PRKCQ: variants seen among roughly 807,000 people sequenced by gnomAD.
PRKCQ encodes the protein protein kinase C theta type.
PRKCQ carries 41 observed loss-of-function variants against 91.2 expected under a neutral mutation model. The observed-to-expected ratio is 0.45, with a 90% CI of 0.35 to 0.58. The LOEUF (loss-of-function observed/expected upper bound fraction) is 0.58, where lower values mean the gene tolerates loss of function less well. Ranked by LOEUF, PRKCQ falls within the 20% of genes least tolerant of loss-of-function variation. PRKCQ has a pLI of 0.00. For missense variants in PRKCQ, 673 were observed against 896.5 expected, an observed-to-expected ratio of 0.75 and a Z score of 3.18; for synonymous variants, 307 against 316.9, an observed-to-expected ratio of 0.97 and a Z score of 0.33.
intron 15 of PRKCQ, among the ~76,000 whole-genome samples, chr10:6,450,646 C>T (rs915958508): frequency 3.3e-5 from 5 of 151,966 alleles, no homozygotes; most frequent in African/African-American, 9.7e-5. Flanking sequence ...CAGCACCACA[C>T]CTATTCCAAA....
At chr10:6,571,265 A>G (rs1841035662) in intron 1 of PRKCQ, among the ~76,000 whole-genome samples, 1 of 152,180 alleles carries the variant, frequency 6.6e-6, no homozygotes. Flanking sequence ...GGGGCAAAGA[A>G]AGTGCATCAT....
the PRKCQ span, among the ~76,000 whole-genome samples, chr10:6,400,745 G>C: frequency 1.1e-4 from 16 of 151,678 alleles, no homozygotes; most frequent in South Asian, 3.3e-3. Flanking sequence ...TCTGCCAGCT[G>C]GCATGCACCT....
At chr10:6,423,698 C>T (rs7920162), downstream of PRKCQ, among the ~76,000 whole-genome samples, 27,782 of 152,104 alleles carry the variant, frequency 0.18, 2,762 homozygotes, top group Non-Finnish European at 0.23. Context: ...CTACTGTGAC[C>T]GACCCTACCT....
At chr10:6,454,674 G>T (rs1834912311) in intron 15 of PRKCQ, among the ~76,000 whole-genome samples, 1 of 152,092 alleles carries the variant, frequency 6.6e-6, no homozygotes, top group South Asian at 2.1e-4. Context: ...TGGACCTGCT[G>T]TCTTTGAAGG....
chr10:6,523,166 T>G (rs1839079034), intron 1 of PRKCQ, among the ~76,000 whole-genome samples: 1 of 152,146 alleles, frequency 6.6e-6, no homozygotes, highest in African/African-American at 2.4e-5. Flanking sequence ...ATAGTAAGTA[T>G]GGGCCAGGTG....
intron 1 of PRKCQ, among the ~76,000 whole-genome samples, chr10:6,574,041 C>CA (rs1841135985): frequency 6.6e-6 from 1 of 152,188 alleles, no homozygotes; most frequent in African/African-American, 2.4e-5. Context: ...CCTTGAGCCT[C>CA]AGAGGCGGAG....
chr10:6,466,544 A>G lies in PRKCQ; in HGVS notation c.1354-2140T>C, dbSNP rs1025233149. Among the ~76,000 whole-genome samples the G allele has an allele frequency of 2.6e-5, 4 of 152,252 alleles. No homozygotes were observed. The East Asian group carries it at 5.8e-4, about 22-fold the overall frequency. On this transcript the variant is annotated intron_variant, in intron 12 of 17. Transcript: ENST00000263125. ...GCAGGCTCCACAATAAATCTGTCAAATATCTGTTCTGCTCTGTGATAAAAT... is the reference window on the plus strand; with the variant it reads ...GCAGGCTCCACAATAAATCTGTCAAGTATCTGTTCTGCTCTGTGATAAAAT...
At chr10:6,446,919 G>A (rs748429950) in intron 15 of PRKCQ, among the ~76,000 whole-genome samples, 29 of 152,220 alleles carry the variant, frequency 1.9e-4, no homozygotes, top group Admixed American at 3.3e-4. Flanking sequence ...AGCCTCAGAA[G>A]CTGGGAAGTC....
chr10:6,401,458 G>A, the PRKCQ span, among the ~76,000 whole-genome samples: 3 of 151,830 alleles, frequency 2.0e-5, no homozygotes, highest in South Asian at 6.2e-4. Context: ...ATGGTTAATA[G>A]TAATAATTGG....
At chr10:6,526,219 C>G (rs1189955403) in intron 1 of PRKCQ, among the ~76,000 whole-genome samples, 1 of 152,066 alleles carries the variant, frequency 6.6e-6, no homozygotes, top group Admixed American at 6.6e-5. Context: ...GTATTTATGA[C>G]CTAATGTTCT....
chr10:6,530,325 A>C (rs572974418), intron 1 of PRKCQ, among the ~76,000 whole-genome samples: 1 of 152,272 alleles, frequency 6.6e-6, no homozygotes, highest in Admixed American at 6.5e-5. Flanking sequence ...CAGTAGCAAA[A>C]ACACTCCTGT....
chr10:6,483,791 T>C (rs542914104), intron 10 of PRKCQ, among the ~76,000 whole-genome samples, 191 bp from the exon 11 acceptor site: 1 of 152,328 alleles, frequency 6.6e-6, no homozygotes, highest in South Asian at 2.1e-4. Context: ...CAGCACCCCC[T>C]GTCTGTGAGC....
At chr10:6,496,411 G>C (rs1477249594) in intron 7 of PRKCQ, among the ~76,000 whole-genome samples, 1 of 151,916 alleles carries the variant, frequency 6.6e-6, no homozygotes, top group Non-Finnish European at 1.5e-5. Flanking sequence ...AGAAATATTT[G>C]CTTCTCAACA....
chr10:6,574,875 C>T (rs548246645), intron 1 of PRKCQ, among the ~76,000 whole-genome samples: 57 of 152,322 alleles, frequency 3.7e-4, no homozygotes, highest in African/African-American at 1.4e-3. Context: ...ACTGCCACTT[C>T]CCCTTCAGGT....
chr10:6,462,452 G>T, intron 13 of PRKCQ, 87 bp from the exon 14 acceptor site: 1 of 1,125,730 alleles, frequency 8.9e-7, no homozygotes, highest in Non-Finnish European at 1.3e-6. Context: ...TTTCTGACAT[G>T]CTGTGTATGG....
At chr10:6,522,188 C>T (rs111550737) in intron 1 of PRKCQ, among the ~76,000 whole-genome samples, 2,395 of 152,260 alleles carry the variant, frequency 0.016, 70 homozygotes, top group African/African-American at 0.055. Flanking sequence ...GTGATCCATC[C>T]GCCTTGGCCT....
the PRKCQ span, among the ~76,000 whole-genome samples, chr10:6,416,701 G>A: frequency 5.9e-5 from 9 of 152,170 alleles, no homozygotes; most frequent in Non-Finnish European, 8.8e-5. Flanking sequence ...TTTCATAGAA[G>A]GACTTTTTTT....
At chr10:6,418,879 TTA>T in the PRKCQ span, among the ~76,000 whole-genome samples, 2 of 143,106 alleles carry the variant, frequency 1.4e-5, no homozygotes, top group Non-Finnish European at 3.1e-5. Context: ...TGTCTCCATA[TTA>T]TTTGTTTATC....
At chr10:6,520,011 T>A (rs557858187) in intron 1 of PRKCQ, among the ~76,000 whole-genome samples, 1 of 152,184 alleles carries the variant, frequency 6.6e-6, no homozygotes, top group Non-Finnish European at 1.5e-5. Flanking sequence ...ATCCTGGTGG[T>A]CTATTGTGTA....
Sources: allele counts gnomAD v4.1 joint callset (sites outside exome capture counted in the v4.1 genomes callset), GRCh38; gene constraint gnomAD v4.1.1; transcripts MANE v1.5; gene names NCBI Gene and HGNC (gene_info 2026-07-23, HGNC 2026-07-21).